The following CCSER1 variants were observed in gnomAD, a reference collection of about 807,000 sequenced individuals.
CCSER1 encodes the protein serine-rich coiled-coil domain-containing protein 1.
In CCSER1, 41 loss-of-function variants were observed where a neutral mutation model predicts 82.0. The observed-to-expected ratio is 0.50, with a 90% confidence interval of 0.39 to 0.65. The LOEUF (loss-of-function observed/expected upper bound fraction) is 0.65, where lower values mean the gene tolerates loss of function less well. Ranked by LOEUF, CCSER1 falls within the 30% of genes least tolerant of loss-of-function variation. The probability of loss-of-function intolerance (pLI) is 0.00; values close to 1 mark genes in which losing one functional copy is unlikely to be tolerated. For synonymous variants in CCSER1, 414 were observed against 383.9 expected (o/e 1.08, Z -0.92); for missense variants, 1,119 against 1,064.2 (o/e 1.05, Z -0.72).
At chr4:91,067,552 C>G (rs1338071350) in intron 9 of CCSER1, among the ~76,000 whole-genome samples, 1 of 151,992 alleles carries the variant, frequency 6.6e-6, no homozygotes, top group Admixed American at 6.6e-5. Flanking sequence ...ACTATGTTGT[C>G]TAGGTTGGTC....
intron 10 of CCSER1, among the ~76,000 whole-genome samples, chr4:91,305,392 A>G (rs541489036): frequency 6.6e-6 from 1 of 152,208 alleles, no homozygotes; most frequent in East Asian, 1.9e-4. Context: ...TGCAATTGTA[A>G]GGTGCAGAAA....
At chr4:90,955,864 C>T (rs868506034) in intron 9 of CCSER1, among the ~76,000 whole-genome samples, 13 of 152,176 alleles carry the variant, frequency 8.5e-5, no homozygotes, top group Middle Eastern at 3.4e-3. Context: ...TGTCCTGCTT[C>T]GAAAGACTAT....
intron 1 of CCSER1, among the ~76,000 whole-genome samples, chr4:90,264,256 C>G (rs1371880426): frequency 6.6e-6 from 1 of 152,050 alleles, no homozygotes; most frequent in East Asian, 1.9e-4. Flanking sequence ...AGTTTTCTAC[C>G]CTCACTTTCA....
At chr4:90,574,528 A>G (rs184904181) in intron 5 of CCSER1, among the ~76,000 whole-genome samples, 3,278 of 151,640 alleles carry the variant, frequency 0.022, 122 homozygotes, top group African/African-American at 0.07. Context: ...TCGGCCTCCC[A>G]AAGTGCTGGG....
At chr4:91,573,446 G>A (rs902915129) in intron 10 of CCSER1, among the ~76,000 whole-genome samples, 1 of 152,180 alleles carries the variant, frequency 6.6e-6, no homozygotes, top group Non-Finnish European at 1.5e-5. Context: ...TAAGGCTCCA[G>A]GGTCTCCACG....
At chr4:91,434,987 G>A (rs765098163) in intron 10 of CCSER1, among the ~76,000 whole-genome samples, 37 of 152,140 alleles carry the variant, frequency 2.4e-4, no homozygotes, top group Non-Finnish European at 4.9e-4. Flanking sequence ...TGTTGTTGTT[G>A]TTGTTGTTTG....
intron 10 of CCSER1, among the ~76,000 whole-genome samples, chr4:91,400,003 T>C (rs961365318): frequency 3.3e-5 from 5 of 152,030 alleles, no homozygotes; most frequent in African/African-American, 9.7e-5. Context: ...CTGATTCTAA[T>C]TGATGTGACT....
chr4:90,403,377 T>TA (rs1306133919), intron 4 of CCSER1, among the ~76,000 whole-genome samples: 1 of 149,860 alleles, frequency 6.7e-6, no homozygotes, highest in Non-Finnish European at 1.5e-5. Flanking sequence ...CGGGCGCCTG[T>TA]AGTCCCAGCT....
intron 10 of CCSER1, among the ~76,000 whole-genome samples, chr4:91,388,039 T>C (rs1751413972): frequency 6.6e-6 from 1 of 152,092 alleles, no homozygotes; most frequent in African/African-American, 2.4e-5. Context: ...CAATATGTTT[T>C]CTTAACTAGA....
chr4:90,877,656 T>TA (rs34688933), intron 8 of CCSER1, among the ~76,000 whole-genome samples: 26,324 of 150,270 alleles, frequency 0.18, 2,335 homozygotes, highest in Middle Eastern at 0.21. Flanking sequence ...CTGCTAAATA[T>TA]ACCCAGATGC....
chr4:90,943,492 C>T (rs1731835908), intron 9 of CCSER1, among the ~76,000 whole-genome samples: 1 of 152,034 alleles, frequency 6.6e-6, no homozygotes, highest in Non-Finnish European at 1.5e-5. Flanking sequence ...AATGCCTATG[C>T]AACATGAGTA....
intron 9 of CCSER1, among the ~76,000 whole-genome samples, chr4:91,012,614 G>T (rs948685461): frequency 1.3e-5 from 2 of 151,458 alleles, no homozygotes; most frequent in African/African-American, 4.8e-5. Flanking sequence ...CACTGGGCCA[G>T]GGTAGTTCAG....
intron 10 of CCSER1, among the ~76,000 whole-genome samples, chr4:91,098,729 G>T (rs1581549188): frequency 6.6e-6 from 1 of 152,158 alleles, no homozygotes; most frequent in East Asian, 1.9e-4. Context: ...TTTTAGTAGA[G>T]ATGGGGTTTC....
intron 10 of CCSER1, among the ~76,000 whole-genome samples, chr4:91,169,489 C>T (rs946691314): frequency 2.8e-4 from 42 of 152,102 alleles, no homozygotes; most frequent in Middle Eastern, 6.8e-3. Flanking sequence ...GGCATGGTGG[C>T]GGGTGCCTGT....
intron 9 of CCSER1, among the ~76,000 whole-genome samples, chr4:90,965,025 C>T (rs1323549345): frequency 1.3e-5 from 2 of 152,018 alleles, no homozygotes; most frequent in African/African-American, 4.8e-5. Flanking sequence ...CCCCAAAAGC[C>T]TCATTCCCAG....
chr4:90,942,663 G>GT (rs975809483), intron 9 of CCSER1, among the ~76,000 whole-genome samples: 9 of 150,410 alleles, frequency 6.0e-5, no homozygotes, highest in Admixed American at 5.3e-4. Flanking sequence ...AGCTATCTTT[G>GT]TTAAAAAAAA....
chr4:91,411,298 C>T (rs1215201800), intron 10 of CCSER1, among the ~76,000 whole-genome samples: 1 of 151,094 alleles, frequency 6.6e-6, no homozygotes, highest in African/African-American at 2.4e-5. Context: ...TTACTTAAGC[C>T]ATCCTCATAG....
At chr4:90,174,804 C>T (rs1732361643) in intron 1 of CCSER1, among the ~76,000 whole-genome samples, 1 of 151,864 alleles carries the variant, frequency 6.6e-6, no homozygotes, top group African/African-American at 2.4e-5. Context: ...GTACCTATTC[C>T]CACAAGTGGC....
chr4:91,181,903 T>C (rs749585365), intron 10 of CCSER1, among the ~76,000 whole-genome samples: 6 of 152,212 alleles, frequency 3.9e-5, no homozygotes, highest in Admixed American at 2.0e-4. Flanking sequence ...CATCCAGGCA[T>C]TATTGCCAGC....
Sources: gnomAD v4.1 joint callset for allele counts (sites outside exome capture counted in the v4.1 genomes callset) on GRCh38, gnomAD v4.1.1 for gene constraint, MANE v1.5 for transcripts, NCBI Gene and HGNC (gene_info 2026-07-23, HGNC 2026-07-21) for gene names.